The following MFN2 variants were observed in gnomAD, a reference collection of about 807,000 sequenced individuals.
MFN2 encodes mitofusin-2.
MFN2 carries 43 observed loss-of-function variants against 87.5 expected under a neutral mutation model. The ratio of observed to expected loss-of-function variants is 0.49; its 90% confidence interval spans 0.38 to 0.63. The LOEUF (loss-of-function observed/expected upper bound fraction) is 0.63, where lower values mean the gene tolerates loss of function less well. Ranked by LOEUF, MFN2 falls within the 30% of genes least tolerant of loss-of-function variation. The pLI, the probability that MFN2 is intolerant of heterozygous loss-of-function variation, is 0.00. For missense variants in MFN2, 743 were observed against 972.8 expected (o/e 0.76, Z 3.14); for synonymous variants, 337 against 359.9 (o/e 0.94, Z 0.72).
Position 12,003,869 on chromosome 1 carries a change from G to C in MFN2, c.1161-123G>C. ...GAAGGGGAAGGCCATGCCCCTGGGTGCGTGTGTGCAGCCCTGCCAGGCAAG... is the reference window on the plus strand; with the variant it reads ...GAAGGGGAAGGCCATGCCCCTGGGTCCGTGTGTGCAGCCCTGCCAGGCAAG... On this transcript the variant is annotated intron_variant, in intron 11 of 18. Transcript: ENST00000235329. This position sits in a 1 kb window ranked among gnomAD's most constrained non-coding sequence, Gnocchi z 4.1. The C allele has an allele frequency of 7.9e-7, 1 of 1,267,206 alleles. No individual in the cohort carries two copies. The highest frequency in any genetic ancestry group is 2.3e-5 in the East Asian group (1 of 42,936). 78.5% of individuals were successfully genotyped at this position (1,267,206 alleles called of 1,614,324 possible).
chr1:11,986,749 C>T (rs1220462789), intron 2 of MFN2, among the ~76,000 whole-genome samples: 14 of 151,950 alleles, frequency 9.2e-5, no homozygotes, highest in Non-Finnish European at 2.1e-4. Context: ...TGCCACCATG[C>T]CTGGCTAATT....
At chr1:11,996,340 TCA>T in intron 5 of MFN2, 22 bp downstream of exon 5, 5 of 1,613,770 alleles carry the variant, frequency 3.1e-6, no homozygotes, top group Middle Eastern at 1.7e-4. Context: ...AGGCTGGCTG[TCA>T]GCCCTGTGCC....
chr1:11,992,768 G>A (rs1557519188), intron 4 of MFN2, 78 bp downstream of exon 4: 7 of 1,562,290 alleles, frequency 4.5e-6, no homozygotes, highest in South Asian at 4.4e-5. Flanking sequence ...GTCACAGAAC[G>A]TTCCAGGCAG....
Position 12,009,703 on chromosome 1 carries a change from T to TCAGAG in MFN2, c.2184_2188dup (p.Lys730ArgfsTer48). The stretch of plus-strand genomic sequence containing the variant: ...AGAAAATTGAGGTTCTTGACTCACT[T>TCAGAG]CAGAGCAAAGCAAAGCTGCTCAGGT... On this transcript the variant is annotated frameshift_variant, in exon 18 of 19. Coordinates refer to ENST00000235329, the MANE Select transcript of MFN2 (RefSeq NM_014874.4). LOFTEE classifies it high-confidence loss of function. 1 of 1,614,216 alleles carries TCAGAG rather than the reference T, an allele frequency of 6.2e-7. No homozygotes were observed. The highest frequency in any genetic ancestry group is 8.5e-7 in the Non-Finnish European group (1 of 1,180,026).
At chr1:11,983,544 G>A (rs1329997861) in intron 2 of MFN2, among the ~76,000 whole-genome samples, 1 of 152,196 alleles carries the variant, frequency 6.6e-6, no homozygotes, top group Non-Finnish European at 1.5e-5. Flanking sequence ...GACGCTTAGT[G>A]TGTCACTGAT....
intron 14 of MFN2, among the ~76,000 whole-genome samples, chr1:12,005,396 C>G (rs1639361335): frequency 6.6e-6 from 1 of 152,244 alleles, no homozygotes; most frequent in Non-Finnish European, 1.5e-5. Flanking sequence ...TGAACTCATT[C>G]TGTACACAGG....
chr1:11,986,006 G>T (rs2336384), intron 2 of MFN2, among the ~76,000 whole-genome samples: 98,764 of 152,038 alleles, frequency 0.65, 32,476 homozygotes, highest in African/African-American at 0.69. Context: ...TAGCTGTGGC[G>T]TCATGCTGAG....
At chr1:12,008,595 T>G (rs1421596303) in intron 17 of MFN2, among the ~76,000 whole-genome samples, 1 of 145,560 alleles carries the variant, frequency 6.9e-6, no homozygotes, top group Admixed American at 6.8e-5. Flanking sequence ...GAGACGCTCC[T>G]CACCTCCTAG....
intron 5 of MFN2, 149 bp from the exon 6 acceptor site, chr1:11,997,148 C>T (rs1476106095): frequency 1.6e-5 from 19 of 1,195,268 alleles, no homozygotes; most frequent in Non-Finnish European, 2.1e-5. Flanking sequence ...TTATTGACAA[C>T]TCCCAGCTGT....
At position 12,003,227 on chromosome 1, in the gene MFN2, A is replaced by G. The variant is rs1639254268; in HGVS notation, c.1161-765A>G. Among the ~76,000 whole-genome samples the G allele has an allele frequency of 6.6e-6, 1 of 150,992 alleles. No homozygotes were observed. The highest frequency in any genetic ancestry group is 1.5e-5 in the Non-Finnish European group (1 of 67,726). ...GGTACACGCGTTTCCAGTTTTAGTC[A>G]GTTTTCTTGATGCTCTTCAGAACAG... On this transcript the variant is annotated intron_variant, in intron 11 of 18. Transcript: ENST00000235329. This position sits in a 1 kb window ranked among gnomAD's most constrained non-coding sequence, Gnocchi z 4.1.
chr1:11,994,707 C>T (rs558067337), intron 4 of MFN2, among the ~76,000 whole-genome samples: 2 of 152,306 alleles, frequency 1.3e-5, no homozygotes, highest in South Asian at 2.1e-4. Flanking sequence ...TGAACTGTAA[C>T]CTCAGGTGTG....
chr1:11,990,613 C>A (rs1402072839), intron 3 of MFN2, among the ~76,000 whole-genome samples: 2 of 152,208 alleles, frequency 1.3e-5, no homozygotes, highest in Non-Finnish European at 1.5e-5. Context: ...TATGAGGCCT[C>A]CCCTGTTGTT....
chr1:11,989,148 G>A lies in MFN2; in HGVS notation c.-4-17G>A, dbSNP rs773207284. 25 of 1,613,618 alleles carry A rather than the reference G, an allele frequency of 1.5e-5. No homozygotes were observed. In the Admixed American group the frequency reaches 2.0e-4, roughly 13 times the overall value. The stretch of plus-strand genomic sequence containing the variant: ...GGTAGGTGTTGCTGGGTTCGCTCAC[G>A]TTAGCTTCTCTTGCAGCGCAATGTC... On this transcript the variant is annotated splice_polypyrimidine_tract_variant and intron_variant, in intron 2 of 18. Transcript: ENST00000235329.
In MFN2 at chr1:12,004,035, A is replaced by C. The variant is rs1389440695; in HGVS notation, c.1204A>C (p.Lys402Gln). The change falls in exon 12 of 19, where the codon AAA becomes CAA. Residue 402 changes from lysine (K) to glutamine (Q), a missense_variant. Coordinates refer to ENST00000235329, the MANE Select transcript of MFN2 (RefSeq NM_014874.4). The surrounding 1 kb of genome is among the most constrained non-coding windows in gnomAD (Gnocchi z 4.2). ...GCGTGAAGAGCGGCAAGACCGACTG[A>C]AATTTATTGACAAACAGCTGGAGCT... ...EMREERQDRL[K>Q]FIDKQLELLA... 1.9e-6 allele frequency: 3 copies of C among 1,614,100 alleles called. No individual in the cohort carries two copies. In the African/African-American group the frequency reaches 4.0e-5, roughly 22 times the overall value.
chr1:12,005,903 G>A lies in MFN2; in HGVS notation c.1688G>A (p.Arg563His), dbSNP rs771845093. Residue 563 changes from arginine (R) to histidine (H), a missense_variant, in exon 15 of 19, where the codon CGT (arginine) becomes CAT (histidine). Physicochemically the swap from Arg to His is conservative, Grantham distance 29 (BLOSUM62 0). Coordinates refer to ENST00000235329, the MANE Select transcript of MFN2 (RefSeq NM_014874.4). Reference protein sequence around the residue: ...VNRFLGPKNSRRALMGYNDQV... With the variant: ...VNRFLGPKNSHRALMGYNDQV... ...AGGTTCCTGGGCCCCAAGAACAGCC[G>A]TCGGGCCTTGATGGGCTACAATGAC... The A allele has an allele frequency of 6.8e-6, 11 of 1,613,792 alleles. No individual in the cohort carries two copies. Among genetic ancestry groups the A allele is most frequent in the South Asian group, 1.1e-5 (1 of 91,068 alleles).
At chr1:11,981,287 C>G (rs1444527755) in intron 1 of MFN2, among the ~76,000 whole-genome samples, 2 of 152,212 alleles carry the variant, frequency 1.3e-5, no homozygotes, top group East Asian at 3.9e-4. Flanking sequence ...GGCGGATCAC[C>G]TGAGGTCAGG....
In MFN2 at chr1:12,013,037, G is replaced by C; in HGVS notation, c.*1472G>C. On this transcript the variant is annotated 3_prime_UTR_variant, in exon 19 of 19. Coordinates refer to ENST00000235329, the MANE Select transcript of MFN2 (RefSeq NM_014874.4). The stretch of plus-strand genomic sequence containing the variant: ...TGCTTGTATTTAAAGCCCTCAGTCT[G>C]TCCTGTTGTGTGGGGCGAAGTGATG... The C allele has an allele frequency of 3.1e-6, 1 of 320,206 alleles. No homozygotes were observed. Among genetic ancestry groups the C allele is most frequent in the South Asian group, 2.5e-5 (1 of 39,246 alleles). The allele number at this position is 320,206 out of a possible 1,614,324, so 19.8% of individuals were successfully genotyped here.
At position 11,999,832 on chromosome 1, in the gene MFN2, C is replaced by T. The variant is rs898077518; in HGVS notation, c.816+737C>T. 3.3e-5 allele frequency among the ~76,000 whole-genome samples: 5 copies of T among 152,016 alleles called. No individual in the cohort carries two copies. In the East Asian group the frequency reaches 9.9e-4, roughly 30 times the overall value. On this transcript the variant is annotated intron_variant, in intron 8 of 18. Transcript: ENST00000235329. ...AGGGTAGGCCGGGCGCGGTGGCTCA[C>T]GCCTGTAATCCCAGCACTTTGGGAG...
At chr1:11,992,770 T>C in intron 4 of MFN2, 80 bp downstream of exon 4, 1 of 1,559,114 alleles carries the variant, frequency 6.4e-7, no homozygotes, top group Non-Finnish European at 8.8e-7. Context: ...CACAGAACGT[T>C]CCAGGCAGGG....
Sources: allele counts gnomAD v4.1 joint callset (sites outside exome capture counted in the v4.1 genomes callset), GRCh38; gene constraint gnomAD v4.1.1; non-coding constraint Gnocchi (gnomAD v3.1); transcripts MANE v1.5; gene names NCBI Gene and HGNC (gene_info 2026-07-23, HGNC 2026-07-21).